CEP85L: variants seen among roughly 807,000 people sequenced by gnomAD.
CEP85L encodes the protein centrosomal protein of 85 kDa-like.
A neutral mutation model predicts 100.3 loss-of-function variants in CEP85L; 60 were observed. That is an observed-to-expected ratio of 0.60 (90% CI 0.49 to 0.74). CEP85L has a LOEUF of 0.74. CEP85L is among the 30% of genes least tolerant of loss of function. The probability of loss-of-function intolerance (pLI) is 0.00; values close to 1 mark genes in which losing one functional copy is unlikely to be tolerated. For synonymous variants in CEP85L, 319 were observed against 322.7 expected (o/e 0.99, Z 0.12); for missense variants, 973 against 936.2 (o/e 1.04, Z -0.51).
chr6:118,502,887 A>C (rs1471132573), intron 5 of CEP85L: 5 of 531,762 alleles, frequency 9.4e-6, no homozygotes, highest in Non-Finnish European at 1.8e-5. Context: ...TTAACAGAAG[A>C]TCTTGAAGAA....
At position 118,565,604 on chromosome 6, in the gene CEP85L, C is replaced by G. The variant is rs769165496; in HGVS notation, c.945G>C (p.Glu315Asp). ...RTNPLEGRNT[E>D]DSYSLAPWQQ... Reference sequence around the variant, plus strand: ...GCCAAGGAGCTAAACTGTAAGAATCCTCTGTATTTCTACCTTCCAAAGGAT... The same window carrying G: ...GCCAAGGAGCTAAACTGTAAGAATCGTCTGTATTTCTACCTTCCAAAGGAT... The change falls in exon 3 of 13, where the codon GAG becomes GAC. Residue 315 changes from glutamate to aspartate, a missense_variant. Transcript: ENST00000368491. 3.7e-6 allele frequency: 6 copies of G among 1,614,158 alleles called. No homozygotes were observed. The highest frequency in any genetic ancestry group is 1.1e-5 in the South Asian group (1 of 91,084).
chr6:118,498,255 A>G (rs1463317114), intron 5 of CEP85L, among the ~76,000 whole-genome samples: 1 of 152,210 alleles, frequency 6.6e-6, no homozygotes, highest in Admixed American at 6.5e-5. Flanking sequence ...GTACTTTGAG[A>G]GGCTGAGGCA....
rs369403888 is a variant in CEP85L, at chr6:118,491,798, C to A, written c.1325G>T (p.Gly442Val). 1.9e-6 allele frequency: 3 copies of A among 1,612,488 alleles called. No individual in the cohort carries two copies. Among genetic ancestry groups the A allele is most frequent in the Non-Finnish European group, 2.5e-6 (3 of 1,179,308 alleles). The change falls in exon 6 of 13, where the codon GGG (glycine) becomes GTG (valine). Residue 442 changes from glycine (G) to valine (V), a missense_variant. This residue lies in a region of CEP85L where 890 missense variants were observed against 844.5 expected (regional missense o/e 1.05). Coordinates refer to ENST00000368491, the MANE Select transcript of CEP85L (RefSeq NM_001042475.3). ...SEESVSHSQQ[G>V]EFEQKLASTE... ...AGATGCAAGCTTTTGCTCAAATTCC[C>A]CTTGTTGGGAATGGGAAACTGATTC... is the stretch of plus-strand genomic sequence containing the variant.
intron 1 of CEP85L, among the ~76,000 whole-genome samples, chr6:118,645,895 A>T (rs1366135030): frequency 6.6e-6 from 1 of 152,158 alleles, no homozygotes; most frequent in Admixed American, 6.5e-5. Context: ...TTTTTAATTA[A>T]AGAAAAACAG....
At chr6:118,507,169 C>T (rs1775707115) in intron 5 of CEP85L, among the ~76,000 whole-genome samples, 1 of 152,174 alleles carries the variant, frequency 6.6e-6, no homozygotes, top group Admixed American at 6.5e-5. Context: ...TATTTTTCTC[C>T]TCTAAACAGA....
chr6:118,464,753 C>T lies in CEP85L; in HGVS notation c.*652G>A, dbSNP rs962582995. 1.3e-5 allele frequency: 2 copies of T among 151,950 alleles called. No individual in the cohort carries two copies. The highest frequency in any genetic ancestry group is 2.9e-5 in the Non-Finnish European group (2 of 67,996). 9.4% of individuals were successfully genotyped at this position (151,950 alleles called of 1,614,324 possible). A position where few individuals can be genotyped will look rare whatever the true frequency, so the allele number is the denominator to read the frequency against. ...ACACCTCTTGGGAAATCCACAATCA[C>T]TCTGGAAAAACAGCTGACCTATCTA... On this transcript the variant is annotated 3_prime_UTR_variant, in exon 13 of 13. Transcript: ENST00000368491.
chr6:118,519,593 G>GGGGGT (rs55731051), intron 4 of CEP85L, among the ~76,000 whole-genome samples: 5 of 55,144 alleles, frequency 9.1e-5, no homozygotes, highest in African/African-American at 2.0e-4. Flanking sequence ...GCGGGGGGGG[G>GGGGGT]GTGTGAAACT....
chr6:118,461,320 G>A lies in CEP85L; in HGVS notation c.*4085C>T, dbSNP rs1256453403. On this transcript the variant is annotated 3_prime_UTR_variant, in exon 13 of 13. Transcript: ENST00000368491. ...AAGGAGTTTCCAGCTCACTACACAG[G>A]GAAGGCTGGGCTCCAAAGACATCTA... 2 of 151,702 alleles carry A rather than the reference G, an allele frequency of 1.3e-5. No individual in the cohort carries two copies. Among genetic ancestry groups the A allele is most frequent in the Non-Finnish European group, 2.9e-5 (2 of 67,920 alleles). The allele number at this position is 151,702 out of a possible 1,614,324, so 9.4% of individuals were successfully genotyped here.
intron 2 of CEP85L, among the ~76,000 whole-genome samples, chr6:118,588,327 T>C (rs1227180157): frequency 6.6e-6 from 1 of 152,158 alleles, no homozygotes; most frequent in African/African-American, 2.4e-5. Flanking sequence ...ATATCTCTAT[T>C]ATAATGCAAT....
intron 6 of CEP85L, among the ~76,000 whole-genome samples, chr6:118,489,434 C>T (rs142823379): frequency 1.3e-5 from 2 of 152,216 alleles, no homozygotes. Flanking sequence ...TAAGAAAGTA[C>T]AGTTGTCCCT....
In CEP85L at chr6:118,609,355, T is replaced by C. The variant is rs1772456162; in HGVS notation, c.232+23098A>G. On this transcript the variant is annotated intron_variant, in intron 2 of 12. Transcript: ENST00000368491. ...AAATCCATGAATAATATCTGAAATA[T>C]GAATTTGCTTTTAAAACAATATTCA... Among the ~76,000 whole-genome samples, 3 of 152,246 alleles carry C rather than the reference T, an allele frequency of 2.0e-5. No homozygotes were observed. The South Asian group carries it at 6.2e-4, about 31-fold the overall frequency.
At chr6:118,617,329 C>T (rs1773129103) in intron 2 of CEP85L, among the ~76,000 whole-genome samples, 1 of 152,142 alleles carries the variant, frequency 6.6e-6, no homozygotes, top group Non-Finnish European at 1.5e-5. Flanking sequence ...TGCCCTCCCC[C>T]GAAACCAGAG....
chr6:118,501,086 T>C (rs1012223934), intron 5 of CEP85L, among the ~76,000 whole-genome samples: 1 of 152,246 alleles, frequency 6.6e-6, no homozygotes, highest in African/African-American at 2.4e-5. Flanking sequence ...ATTGTTTTTG[T>C]CTTTGAAGAG....
intron 5 of CEP85L, chr6:118,502,935 G>T: frequency 2.4e-6 from 1 of 409,764 alleles, no homozygotes. Flanking sequence ...GGGAGTTGAG[G>T]CCACCTGGTA....
intron 2 of CEP85L, among the ~76,000 whole-genome samples, chr6:118,588,719 G>A (rs1781007566): frequency 6.6e-6 from 1 of 152,104 alleles, no homozygotes; most frequent in South Asian, 2.1e-4. Context: ...TATATAACTT[G>A]TATAACTCAG....
At chr6:118,511,194 A>G in intron 5 of CEP85L, 104 bp downstream of exon 5, 1 of 743,012 alleles carries the variant, frequency 1.3e-6, no homozygotes, top group Non-Finnish European at 2.3e-6. Context: ...AATCATGTGA[A>G]TACATTATTA....
chr6:118,506,069 A>T (rs1775637168), intron 5 of CEP85L, among the ~76,000 whole-genome samples: 1 of 152,186 alleles, frequency 6.6e-6, no homozygotes, highest in South Asian at 2.1e-4. Flanking sequence ...AAGTTAATAA[A>T]TTTTTAAAAA....
At chr6:118,529,413 C>G (rs924489702) in intron 3 of CEP85L, among the ~76,000 whole-genome samples, 1 of 151,958 alleles carries the variant, frequency 6.6e-6, no homozygotes, top group Non-Finnish European at 1.5e-5. Context: ...CGAGACCATC[C>G]TGGCTAACAC....
At chr6:118,660,653 C>G (rs554305831) in intron 1 of CEP85L, among the ~76,000 whole-genome samples, 17 of 152,296 alleles carry the variant, frequency 1.1e-4, no homozygotes, top group African/African-American at 4.1e-4. Context: ...CAGTCAATAT[C>G]CTTTGCCTGA....
Sources: gnomAD v4.1 joint callset for allele counts (sites outside exome capture counted in the v4.1 genomes callset) on GRCh38, gnomAD v4.1.1 for gene constraint, gnomAD v4.1.1 regional missense constraint, MANE v1.5 for transcripts, NCBI Gene and HGNC (gene_info 2026-07-23, HGNC 2026-07-21) for gene names.